COLEC10: variants seen among roughly 807,000 people sequenced by gnomAD.
The protein encoded by COLEC10 is collectin-10.
COLEC10 carries 22 observed loss-of-function variants against 28.4 expected under a neutral mutation model. The observed-to-expected ratio is 0.78, with a 90% CI of 0.55 to 1.11. COLEC10 has a LOEUF of 1.11. Among genes scored for constraint, COLEC10 ranks in the 50% least tolerant of loss-of-function variants. The pLI is 0.00. For synonymous variants in COLEC10, 125 were observed against 116.1 expected (o/e 1.08, Z -0.49); for missense variants, 361 against 344.1 (o/e 1.05, Z -0.39).
chr8:119,057,838 A>G (rs1006642910), intron 2 of COLEC10, among the ~76,000 whole-genome samples: 2 of 152,028 alleles, frequency 1.3e-5, no homozygotes, highest in Non-Finnish European at 2.9e-5. Flanking sequence ...AAAATTAAGA[A>G]CTTGCCTCCA....
At chr8:119,034,848 C>CAAAATCTTTATTT in intron 2 of COLEC10, among the ~76,000 whole-genome samples, 1 of 152,186 alleles carries the variant, frequency 6.6e-6, no homozygotes, top group Non-Finnish European at 1.5e-5. Flanking sequence ...CATTTCTCAT[C>CAAAATCTTTATTT]TGTAAATGGG....
At chr8:119,030,085 T>G (rs1362508815) in intron 2 of COLEC10, among the ~76,000 whole-genome samples, 1 of 152,156 alleles carries the variant, frequency 6.6e-6, no homozygotes, top group Non-Finnish European at 1.5e-5. Context: ...GAGCCACATA[T>G]CTCCCTCTTT....
chr8:119,038,418 A>G (rs1814431042), intron 2 of COLEC10, among the ~76,000 whole-genome samples: 1 of 152,190 alleles, frequency 6.6e-6, no homozygotes, highest in Non-Finnish European at 1.5e-5. Context: ...TGGTTTAAGG[A>G]ATTTATTGTA....
the COLEC10 span, among the ~76,000 whole-genome samples, chr8:118,953,998 G>A: frequency 6.6e-6 from 1 of 152,182 alleles, no homozygotes; most frequent in Non-Finnish European, 1.5e-5. Context: ...GGCACATAGT[G>A]CTCATTAAGT....
At chr8:118,986,030 T>C in the COLEC10 span, among the ~76,000 whole-genome samples, 1 of 152,080 alleles carries the variant, frequency 6.6e-6, no homozygotes, top group Admixed American at 6.6e-5. Context: ...ATAGAAAGGC[T>C]CCGTGACAGA....
At chr8:118,987,571 A>G in the COLEC10 span, among the ~76,000 whole-genome samples, 1 of 152,166 alleles carries the variant, frequency 6.6e-6, no homozygotes, top group African/African-American at 2.4e-5. Flanking sequence ...CTCAAAAAAT[A>G]AAAAAGAAAG....
intron 1 of COLEC10, among the ~76,000 whole-genome samples, chr8:119,089,156 T>A (rs971607984): frequency 6.6e-6 from 1 of 152,200 alleles, no homozygotes; most frequent in African/African-American, 2.4e-5. Context: ...CTTTAATTCT[T>A]CAAGGTGCTG....
chr8:118,997,529 A>G (rs929598955), intron 1 of COLEC10, among the ~76,000 whole-genome samples: 1 of 152,210 alleles, frequency 6.6e-6, no homozygotes, highest in African/African-American at 2.4e-5. Flanking sequence ...TGACCCTTGA[A>G]TTACACTTTA....
intron 2 of COLEC10, among the ~76,000 whole-genome samples, chr8:119,016,121 A>G (rs770486182): frequency 1.1e-4 from 17 of 152,024 alleles, no homozygotes; most frequent in Non-Finnish European, 1.9e-4. Context: ...TCAACCTGTC[A>G]TCTAAGTTTT....
chr8:118,973,875 A>G, the COLEC10 span, among the ~76,000 whole-genome samples: 1 of 151,930 alleles, frequency 6.6e-6, no homozygotes, highest in Non-Finnish European at 1.5e-5. Flanking sequence ...CAAATTTTTC[A>G]CAATATGCTT....
At chr8:119,076,863 C>T (rs1484034067) in intron 1 of COLEC10, among the ~76,000 whole-genome samples, 1 of 152,130 alleles carries the variant, frequency 6.6e-6, no homozygotes, top group East Asian at 1.9e-4. Flanking sequence ...CCCATATGTC[C>T]AATGGGAAGT....
chr8:118,953,129 A>C, the COLEC10 span, among the ~76,000 whole-genome samples: 6 of 152,334 alleles, frequency 3.9e-5, no homozygotes, highest in East Asian at 1.2e-3. Context: ...TTCCACCACG[A>C]GTTCAAAGTG....
At chr8:119,100,600 T>C (rs1483240325) in intron 3 of COLEC10, among the ~76,000 whole-genome samples, 1 of 152,202 alleles carries the variant, frequency 6.6e-6, no homozygotes, top group East Asian at 1.9e-4. Context: ...GAACCTGACC[T>C]TGTGCCCACT....
intron 2 of COLEC10, among the ~76,000 whole-genome samples, chr8:119,034,368 T>TTGGTCTTTGG (rs1454715469): frequency 2.7e-5 from 4 of 149,240 alleles, no homozygotes; most frequent in Non-Finnish European, 4.4e-5. Flanking sequence ...TATACCTACG[T>TTGGTCTTTGG]AACAAACCTG....
intron 2 of COLEC10, among the ~76,000 whole-genome samples, chr8:119,033,712 A>G (rs895525193): frequency 6.6e-6 from 1 of 152,226 alleles, no homozygotes; most frequent in Non-Finnish European, 1.5e-5. Context: ...GCCAGTTAGA[A>G]TGGTGATCAT....
chr8:119,049,212 C>CTAACGGGTT (rs1217889922), intron 2 of COLEC10, among the ~76,000 whole-genome samples: 1 of 152,000 alleles, frequency 6.6e-6, no homozygotes, highest in Non-Finnish European at 1.5e-5. Context: ...TGCTGCTATC[C>CTAACGGGTT]TAACGGGTTT....
chr8:118,963,909 C>T, the COLEC10 span, among the ~76,000 whole-genome samples: 193 of 152,118 alleles, frequency 1.3e-3, 1 homozygote, highest in Admixed American at 3.1e-3. Context: ...GAGGGAGCAA[C>T]GAAATGGATA....
intron 2 of COLEC10, among the ~76,000 whole-genome samples, chr8:119,024,224 G>C (rs943906255): frequency 6.6e-6 from 1 of 152,090 alleles, no homozygotes; most frequent in Non-Finnish European, 1.5e-5. Flanking sequence ...CAAAGTTGAT[G>C]GGTACCATTC....
chr8:119,085,808 G>A (rs1815470189), intron 1 of COLEC10, among the ~76,000 whole-genome samples: 2 of 151,706 alleles, frequency 1.3e-5, no homozygotes, highest in African/African-American at 4.8e-5. Flanking sequence ...AGTAGAGACA[G>A]GGTTTCACCA....
Sources: gnomAD v4.1 joint callset for allele counts (sites outside exome capture counted in the v4.1 genomes callset) on GRCh38, gnomAD v4.1.1 for gene constraint, MANE v1.5 for transcripts, NCBI Gene and HGNC (gene_info 2026-07-23, HGNC 2026-07-21) for gene names.